The following SLC36A1 variants were observed in gnomAD, a reference collection of about 807,000 sequenced individuals.
SLC36A1 encodes proton-coupled amino acid transporter 1.
In SLC36A1, 30 loss-of-function variants were observed where a neutral mutation model predicts 47.5. The observed-to-expected ratio is 0.63, with a 90% CI of 0.47 to 0.86. The LOEUF is 0.86. Ranked by LOEUF, SLC36A1 falls within the 40% of genes least tolerant of loss-of-function variation. SLC36A1 has a pLI of 0.00. For missense variants in SLC36A1, 517 were observed against 606.0 expected, an observed-to-expected ratio of 0.85 and a Z score of 1.54; for synonymous variants, 255 against 249.7, an observed-to-expected ratio of 1.02 and a Z score of -0.20.
At chr5:151,421,174 CTCCTTCCTTCCTTCCTTCCTTCCT>C in the SLC36A1 span, among the ~76,000 whole-genome samples, 29 of 138,888 alleles carry the variant, frequency 2.1e-4, no homozygotes, top group Admixed American at 1.5e-3. Context: ...CGCCCTTTCT[CTCCTTCCTTCCTTCCTTCCTTCCT>C]TCCTTCCTTC....
chr5:151,543,758 A>C, the SLC36A1 span: 1 of 1,614,060 alleles, frequency 6.2e-7, no homozygotes, highest in Non-Finnish European at 8.5e-7. Context: ...ACTCCATCAG[A>C]AGCACCTACC....
At chr5:151,441,816 A>G (rs1752648309) in intron 1 of SLC36A1, among the ~76,000 whole-genome samples, 1 of 152,176 alleles carries the variant, frequency 6.6e-6, no homozygotes, top group South Asian at 2.1e-4. Flanking sequence ...TATTTAAAGC[A>G]TGTAACTTGA....
chr5:151,540,172 A>G, the SLC36A1 span, among the ~76,000 whole-genome samples: 4 of 152,218 alleles, frequency 2.6e-5, no homozygotes, highest in Non-Finnish European at 2.9e-5. Context: ...TTGGGAATGT[A>G]GGGGGAGAGA....
At chr5:151,502,728 T>C in the SLC36A1 span, among the ~76,000 whole-genome samples, 1 of 148,444 alleles carries the variant, frequency 6.7e-6, no homozygotes, top group Non-Finnish European at 1.5e-5. Flanking sequence ...TCAGCCACTC[T>C]GGAAGACTGT....
chr5:151,479,259 C>T, intron 9 of SLC36A1, 61 bp from the exon 10 acceptor site: 1 of 1,563,394 alleles, frequency 6.4e-7, no homozygotes, highest in Admixed American at 1.7e-5. Flanking sequence ...ATTTTGCACT[C>T]TTGCTGATGA....
intron 9 of SLC36A1, among the ~76,000 whole-genome samples, chr5:151,477,750 A>G (rs1365561767): frequency 6.6e-6 from 1 of 152,204 alleles, no homozygotes; most frequent in African/African-American, 2.4e-5. Context: ...TTAAATTTCC[A>G]AATGTTTCTG....
At chr5:151,391,682 CT>C in the SLC36A1 span, among the ~76,000 whole-genome samples, 1 of 152,130 alleles carries the variant, frequency 6.6e-6, no homozygotes. Context: ...GTCTTTGGTT[CT>C]GTTTATTTGC....
At chr5:151,531,841 G>A in the SLC36A1 span, 2 of 1,614,008 alleles carry the variant, frequency 1.2e-6, no homozygotes, top group African/African-American at 1.3e-5. The surrounding 1 kb of genome is among the most constrained non-coding windows in gnomAD (Gnocchi z 5.7). Flanking sequence ...GGCACGGACC[G>A]TGAGCTCCAG....
At chr5:151,375,581 T>A in the SLC36A1 span, among the ~76,000 whole-genome samples, 24 of 152,134 alleles carry the variant, frequency 1.6e-4, no homozygotes, top group African/African-American at 5.6e-4. Context: ...TTAAGGTTTT[T>A]TTTTCTGATT....
chr5:151,465,774 G>C (rs1298273311), intron 5 of SLC36A1, among the ~76,000 whole-genome samples: 2 of 152,166 alleles, frequency 1.3e-5, no homozygotes, highest in Non-Finnish European at 2.9e-5. Flanking sequence ...AGCAAAGAAG[G>C]CTTCAGGAGA....
At chr5:151,479,980 G>C in intron 10 of SLC36A1, 1 of 733,840 alleles carries the variant, frequency 1.4e-6, no homozygotes, top group Non-Finnish European at 2.2e-6. Flanking sequence ...ATATGTTTCA[G>C]AAAATTTCTA....
At chr5:151,507,934 C>A in the SLC36A1 span, among the ~76,000 whole-genome samples, 33 of 152,290 alleles carry the variant, frequency 2.2e-4, no homozygotes, top group African/African-American at 7.5e-4. Context: ...GTAGAGACAT[C>A]GACTCTCTAG....
At chr5:151,360,597 T>A in the SLC36A1 span, among the ~76,000 whole-genome samples, 7 of 152,208 alleles carry the variant, frequency 4.6e-5, no homozygotes, top group Non-Finnish European at 1.0e-4. Context: ...AGAAATACAC[T>A]GAACTTCTGT....
the SLC36A1 span, among the ~76,000 whole-genome samples, chr5:151,418,884 C>A: frequency 0.15 from 22,074 of 152,048 alleles, 2,047 homozygotes; most frequent in East Asian, 0.38. Flanking sequence ...GAGTTGTAAA[C>A]CCTGTAGTCC....
chr5:151,542,766 C>T, the SLC36A1 span: 3 of 1,614,104 alleles, frequency 1.9e-6, no homozygotes, highest in Non-Finnish European at 2.5e-6. Context: ...TGACGTCTCC[C>T]ACTTGGATGT....
At chr5:151,347,488 G>C in the SLC36A1 span, 1 of 1,612,534 alleles carries the variant, frequency 6.2e-7, no homozygotes, top group East Asian at 2.2e-5. Flanking sequence ...GGAGCTCGGG[G>C]TGACAAAGAG....
At chr5:151,365,645 G>C in the SLC36A1 span, among the ~76,000 whole-genome samples, 26 of 152,316 alleles carry the variant, frequency 1.7e-4, no homozygotes, top group African/African-American at 6.3e-4. Context: ...GTCAGGGACA[G>C]GGTTTAGTGG....
chr5:151,553,262 C>A, the SLC36A1 span: 1 of 1,614,230 alleles, frequency 6.2e-7, no homozygotes, highest in Non-Finnish European at 8.5e-7. Context: ...TCTCCATGAC[C>A]GTAAAGCTGT....
chr5:151,441,084 C>T (rs1337199637), intron 1 of SLC36A1, among the ~76,000 whole-genome samples: 1 of 152,156 alleles, frequency 6.6e-6, no homozygotes, highest in African/African-American at 2.4e-5. Context: ...CTGCAAGTTC[C>T]CAAGTGATGC....
Sources: allele counts gnomAD v4.1 joint callset (sites outside exome capture counted in the v4.1 genomes callset), GRCh38; gene constraint gnomAD v4.1.1; non-coding constraint Gnocchi (gnomAD v3.1); transcripts MANE v1.5; gene names NCBI Gene and HGNC (gene_info 2026-07-23, HGNC 2026-07-21).